The following CPNE4 variants were observed in gnomAD, a reference collection of about 807,000 sequenced individuals.
CPNE4 encodes copine-4.
In CPNE4, 25 loss-of-function variants were observed where a neutral mutation model predicts 67.9. The observed-to-expected ratio is 0.37, with a 90% CI of 0.27 to 0.51. The LOEUF (loss-of-function observed/expected upper bound fraction) is 0.51. CPNE4 is among the 20% of genes least tolerant of loss of function. CPNE4 has a pLI of 0.93. For synonymous variants in CPNE4, 242 were observed against 244.9 expected (o/e 0.99, Z 0.11); for missense variants, 464 against 690.8 (o/e 0.67, Z 3.68).
At chr3:131,754,975 G>A (rs1250021455) in intron 2 of CPNE4, among the ~76,000 whole-genome samples, 2 of 152,038 alleles carry the variant, frequency 1.3e-5, no homozygotes, top group Non-Finnish European at 2.9e-5. Flanking sequence ...CTTAAATATG[G>A]AACAGGAAAT....
intron 1 of CPNE4, among the ~76,000 whole-genome samples, chr3:131,936,618 C>A (rs1406643633): frequency 2.0e-5 from 3 of 149,140 alleles, no homozygotes; most frequent in South Asian, 2.1e-4. Flanking sequence ...AGACATGATA[C>A]AAAGAAAATA....
intron 2 of CPNE4, among the ~76,000 whole-genome samples, chr3:131,764,639 C>T (rs889190356): frequency 2.6e-5 from 4 of 152,078 alleles, no homozygotes; most frequent in African/African-American, 9.7e-5. Context: ...AAATTAAGAA[C>T]TATGAAAATG....
At chr3:131,791,862 G>A (rs891222968) in intron 2 of CPNE4, among the ~76,000 whole-genome samples, 9 of 152,148 alleles carry the variant, frequency 5.9e-5, no homozygotes, top group African/African-American at 2.2e-4. Flanking sequence ...CAACCCCACG[G>A]CCACTTGGTG....
At chr3:131,815,404 G>A (rs1409154630) in intron 2 of CPNE4, among the ~76,000 whole-genome samples, 2 of 152,168 alleles carry the variant, frequency 1.3e-5, no homozygotes, top group Admixed American at 6.5e-5. Flanking sequence ...CTGACCTCTC[G>A]CATTCACACA....
chr3:132,027,854 C>T (rs1475063813), intron 1 of CPNE4, among the ~76,000 whole-genome samples: 1 of 151,966 alleles, frequency 6.6e-6, no homozygotes, highest in Admixed American at 6.6e-5. Flanking sequence ...TTGTTTTGGG[C>T]CATTCTATTG....
intron 1 of CPNE4, among the ~76,000 whole-genome samples, chr3:131,937,562 C>T (rs1015398294): frequency 6.6e-6 from 1 of 152,064 alleles, no homozygotes; most frequent in Non-Finnish European, 1.5e-5. Flanking sequence ...GGCAAAAAAA[C>T]AGTGCACTGA....
At chr3:131,935,186 T>G (rs1437847131) in intron 1 of CPNE4, among the ~76,000 whole-genome samples, 1 of 152,180 alleles carries the variant, frequency 6.6e-6, no homozygotes, top group African/African-American at 2.4e-5. Context: ...GCTCTTTGAA[T>G]GTCAGCAAGT....
chr3:131,996,695 C>T (rs186751325), intron 1 of CPNE4, among the ~76,000 whole-genome samples: 59 of 151,802 alleles, frequency 3.9e-4, no homozygotes, highest in African/African-American at 1.4e-3. Flanking sequence ...CAGCATAGGT[C>T]TATAGTGTCT....
rs569531021 is a variant in CPNE4, at chr3:131,559,673, C to A, written c.1062-4122G>T. On this transcript the variant is annotated intron_variant, in intron 11 of 15. Coordinates refer to ENST00000429747, the MANE Select transcript of CPNE4 (RefSeq NM_130808.3). ...CAGTGATTATAACAGAATTTCAAAC[C>A]AATTTTATTAAGATACATTAGGATA... 1.4e-4 allele frequency among the ~76,000 whole-genome samples: 22 copies of A among 151,762 alleles called. No homozygotes were observed. In the South Asian group the frequency reaches 4.6e-3, roughly 32 times the overall value.
At chr3:131,821,321 G>T (rs753888975) in intron 2 of CPNE4, among the ~76,000 whole-genome samples, 1 of 152,230 alleles carries the variant, frequency 6.6e-6, no homozygotes, top group South Asian at 2.1e-4. Flanking sequence ...GGAATTTAGA[G>T]AGAATCCACA....
intron 1 of CPNE4, among the ~76,000 whole-genome samples, chr3:131,943,402 G>T (rs2071457334): frequency 6.6e-6 from 1 of 152,132 alleles, no homozygotes; most frequent in African/African-American, 2.4e-5. Flanking sequence ...TCATTGGATT[G>T]TTGTAAATGA....
intron 5 of CPNE4, among the ~76,000 whole-genome samples, chr3:131,686,284 C>A (rs1413370579): frequency 6.6e-6 from 1 of 152,192 alleles, no homozygotes; most frequent in Non-Finnish European, 1.5e-5. Flanking sequence ...AAGATCAGTT[C>A]AAATTCCAGT....
chr3:131,874,611 A>G (rs1014718603), intron 2 of CPNE4, among the ~76,000 whole-genome samples: 1 of 152,228 alleles, frequency 6.6e-6, no homozygotes, highest in African/African-American at 2.4e-5. Flanking sequence ...AGATTAAATG[A>G]ATTTATGTAT....
intron 2 of CPNE4, among the ~76,000 whole-genome samples, chr3:131,895,299 T>C (rs982916739): frequency 1.3e-5 from 2 of 152,006 alleles, no homozygotes; most frequent in Non-Finnish European, 1.5e-5. Context: ...TAATGCACAG[T>C]AGAGTGAAAA....
intron 7 of CPNE4, among the ~76,000 whole-genome samples, chr3:131,652,387 ATGT>A (rs1316040616): frequency 1.3e-5 from 2 of 152,216 alleles, no homozygotes; most frequent in Non-Finnish European, 2.9e-5. Context: ...CTATTTCTTA[ATGT>A]TGTCTAATAT....
chr3:131,711,714 C>G (rs1301312645), intron 3 of CPNE4, among the ~76,000 whole-genome samples: 2 of 152,116 alleles, frequency 1.3e-5, no homozygotes, highest in Non-Finnish European at 2.9e-5. Flanking sequence ...TTTTGTAAAC[C>G]AAGCAGTTAT....
intron 7 of CPNE4, among the ~76,000 whole-genome samples, chr3:131,620,771 G>C (rs752352379): frequency 6.6e-6 from 1 of 152,270 alleles, no homozygotes; most frequent in African/African-American, 2.4e-5. Flanking sequence ...GCTAAGAAAC[G>C]CAGGTAGCCT....
intron 10 of CPNE4, among the ~76,000 whole-genome samples, chr3:131,571,416 C>CCAT (rs745876833): frequency 6.6e-6 from 1 of 152,026 alleles, no homozygotes; most frequent in Non-Finnish European, 1.5e-5. Flanking sequence ...TTTATAAGTA[C>CCAT]CATCTCCACT....
chr3:131,665,462 C>T (rs1472071512), intron 7 of CPNE4, among the ~76,000 whole-genome samples: 3 of 152,150 alleles, frequency 2.0e-5, no homozygotes, highest in Non-Finnish European at 4.4e-5. Flanking sequence ...TGTTTGAGAC[C>T]AGCCTGGCCA....
Sources: gnomAD v4.1 joint callset for allele counts (sites outside exome capture counted in the v4.1 genomes callset) on GRCh38, gnomAD v4.1.1 for gene constraint, MANE v1.5 for transcripts, NCBI Gene and HGNC (gene_info 2026-07-23, HGNC 2026-07-21) for gene names.